Variants in ERC2 observed in about 807,000 individuals in gnomAD.
ERC2 encodes the protein ELKS/RAB6-interacting/CAST family member 2.
A neutral mutation model predicts 114.8 loss-of-function variants in ERC2; 42 were observed. That is an observed-to-expected ratio of 0.37 (90% CI 0.29 to 0.47). The LOEUF is 0.47. Ranked by LOEUF, ERC2 falls within the 20% of genes least tolerant of loss-of-function variation. ERC2 has a pLI of 0.99. For synonymous variants in ERC2, 454 were observed against 425.5 expected (o/e 1.07, Z -0.82); for missense variants, 939 against 1,150.7 (o/e 0.82, Z 2.66).
chr3:56,067,377 T>C (rs930408755), intron 7 of ERC2, among the ~76,000 whole-genome samples: 3 of 152,210 alleles, frequency 2.0e-5, no homozygotes, highest in Admixed American at 1.3e-4. Flanking sequence ...TAGGAATGCT[T>C]GTGATTTTGC....
chr3:55,519,815 T>G (rs1190734991), intron 17 of ERC2, among the ~76,000 whole-genome samples: 1 of 152,108 alleles, frequency 6.6e-6, no homozygotes, highest in African/African-American at 2.4e-5. Context: ...GGTGGATTGC[T>G]TGCCCAGGAG....
intron 7 of ERC2, among the ~76,000 whole-genome samples, chr3:56,057,523 T>C (rs1181835519): frequency 6.6e-6 from 1 of 152,224 alleles, no homozygotes; most frequent in Non-Finnish European, 1.5e-5. Context: ...CTGGCATAGC[T>C]GCATGGTTCT....
chr3:56,248,307 T>C (rs1048890882), intron 3 of ERC2, among the ~76,000 whole-genome samples: 2 of 152,162 alleles, frequency 1.3e-5, no homozygotes, highest in African/African-American at 2.4e-5. Context: ...TTGCCCAGAC[T>C]GGTCTTGAAC....
At chr3:56,412,668 T>G (rs931461) in intron 2 of ERC2, among the ~76,000 whole-genome samples, 65,181 of 152,038 alleles carry the variant, frequency 0.43, 14,942 homozygotes, top group African/African-American at 0.58. Context: ...GGCTTCCATG[T>G]TTGGCACGAT....
intron 7 of ERC2, among the ~76,000 whole-genome samples, chr3:56,042,786 A>C (rs2075264826): frequency 6.6e-6 from 1 of 152,138 alleles, no homozygotes; most frequent in Admixed American, 6.6e-5. Flanking sequence ...TTTTCTCTTA[A>C]AACTAATTTT....
intron 2 of ERC2, among the ~76,000 whole-genome samples, chr3:56,364,850 C>T (rs765891218): frequency 3.9e-5 from 6 of 152,178 alleles, no homozygotes; most frequent in Non-Finnish European, 7.3e-5. Context: ...CATTCTTCTT[C>T]GCTGGGTGAG....
At chr3:55,742,279 T>C (rs2066013673) in intron 14 of ERC2, among the ~76,000 whole-genome samples, 1 of 152,174 alleles carries the variant, frequency 6.6e-6, no homozygotes, top group African/African-American at 2.4e-5. Context: ...AAGGGAGCTT[T>C]GTAAACATTT....
At position 56,216,671 on chromosome 3, in the gene ERC2, T is replaced by G. The variant is rs182668542; in HGVS notation, c.1075-43151A>C. 2.8e-3 allele frequency among the ~76,000 whole-genome samples: 427 copies of G among 152,278 alleles called. 1 individual carries two copies. Among genetic ancestry groups the G allele is most frequent in the African/African-American group, 9.9e-3 (412 of 41,556 alleles). On this transcript the variant is annotated intron_variant, in intron 3 of 17. Coordinates refer to ENST00000288221, the MANE Select transcript of ERC2 (RefSeq NM_015576.3). Reference sequence around the variant, plus strand: ...CCAGCATAATCCTGATACCAAAGCCTGGCAGAGACACAACAAAAAAAGAGA... The same window carrying G: ...CCAGCATAATCCTGATACCAAAGCCGGGCAGAGACACAACAAAAAAAGAGA...
chr3:56,421,795 G>A (rs775656947), intron 2 of ERC2, among the ~76,000 whole-genome samples: 20 of 152,046 alleles, frequency 1.3e-4, no homozygotes, highest in African/African-American at 1.9e-4. Context: ...TTAATGTCTA[G>A]TAGGTATCAT....
At chr3:55,520,242 C>T (rs1379079661) in intron 17 of ERC2, among the ~76,000 whole-genome samples, 4 of 151,688 alleles carry the variant, frequency 2.6e-5, no homozygotes. Flanking sequence ...GGCCTGAGAG[C>T]CTGGCCAACG....
At chr3:55,734,717 A>C in intron 15 of ERC2, 54 bp downstream of exon 15, 1 of 1,555,054 alleles carries the variant, frequency 6.4e-7, no homozygotes, top group Non-Finnish European at 8.7e-7. Flanking sequence ...ATCCAGAGAA[A>C]GCCCCCAAAG....
intron 10 of ERC2, among the ~76,000 whole-genome samples, chr3:56,005,640 A>T (rs1032668423): frequency 1.3e-5 from 2 of 152,016 alleles, no homozygotes; most frequent in Admixed American, 1.3e-4. Flanking sequence ...GACTCATCAG[A>T]GTAGGTGGAG....
chr3:56,284,478 A>G (rs1339746314), intron 3 of ERC2, among the ~76,000 whole-genome samples: 2 of 152,242 alleles, frequency 1.3e-5, no homozygotes, highest in Non-Finnish European at 2.9e-5. Flanking sequence ...AATTTTGAAC[A>G]TCTGCACTGC....
At chr3:56,430,878 C>T (rs2061761285) in intron 2 of ERC2, among the ~76,000 whole-genome samples, 1 of 152,138 alleles carries the variant, frequency 6.6e-6, no homozygotes, top group Non-Finnish European at 1.5e-5. Flanking sequence ...GAAGTAGGAT[C>T]TTCCTATAAT....
At chr3:56,146,120 C>T (rs1017420193) in intron 5 of ERC2, among the ~76,000 whole-genome samples, 1 of 151,960 alleles carries the variant, frequency 6.6e-6, no homozygotes, top group Admixed American at 6.6e-5. Context: ...AACCCCATCT[C>T]TACCAAAAAA....
intron 14 of ERC2, among the ~76,000 whole-genome samples, chr3:55,875,169 G>C (rs2062768565): frequency 1.3e-5 from 2 of 152,194 alleles, no homozygotes; most frequent in Admixed American, 1.3e-4. Context: ...GTTGACAGGA[G>C]CCTTGAAAAT....
chr3:56,173,395 G>A, intron 4 of ERC2, 51 bp downstream of exon 4: 1 of 1,553,384 alleles, frequency 6.4e-7, no homozygotes, highest in Non-Finnish European at 8.9e-7. Context: ...CACCAAGTTA[G>A]AACAAACTCC....
intron 14 of ERC2, among the ~76,000 whole-genome samples, chr3:55,809,610 A>C (rs2059637504): frequency 2.0e-5 from 3 of 152,202 alleles, no homozygotes; most frequent in Admixed American, 2.0e-4. Flanking sequence ...AAATAAAATA[A>C]AATAATAACC....
At chr3:56,290,988 T>C (rs2055048205) in intron 3 of ERC2, among the ~76,000 whole-genome samples, 1 of 152,156 alleles carries the variant, frequency 6.6e-6, no homozygotes, top group South Asian at 2.1e-4. Context: ...AGGACATCAA[T>C]AGGATTAGCA....
Sources: gnomAD v4.1 joint callset for allele counts (sites outside exome capture counted in the v4.1 genomes callset) on GRCh38, gnomAD v4.1.1 for gene constraint, MANE v1.5 for transcripts, NCBI Gene and HGNC (gene_info 2026-07-23, HGNC 2026-07-21) for gene names.